The following PFKM variants were observed in gnomAD, a reference collection of about 807,000 sequenced individuals.
PFKM encodes phosphofructokinase, muscle, also known as ATP-dependent 6-phosphofructokinase, muscle type.
PFKM carries 58 observed loss-of-function variants against 95.5 expected under a neutral mutation model. The observed-to-expected ratio is 0.61, with a 90% CI of 0.49 to 0.76. The LOEUF (loss-of-function observed/expected upper bound fraction) is 0.76. Among genes scored for constraint, PFKM ranks in the 30% least tolerant of loss-of-function variants. PFKM has a pLI of 0.00. For synonymous variants in PFKM, 336 were observed against 357.2 expected, an observed-to-expected ratio of 0.94 and a Z score of 0.67; for missense variants, 678 against 1,005.4, an observed-to-expected ratio of 0.67 and a Z score of 4.40.
intron 3 of PFKM, among the ~76,000 whole-genome samples, chr12:48,108,645 A>G (rs540421974): frequency 6.6e-6 from 1 of 152,354 alleles, no homozygotes; most frequent in Admixed American, 6.5e-5. Context: ...ACCATTTAAT[A>G]ATAGATTTCT....
chr12:48,131,000 A>G (rs1208560008), intron 3 of PFKM, among the ~76,000 whole-genome samples: 1 of 152,130 alleles, frequency 6.6e-6, no homozygotes. Context: ...TATCAAGACC[A>G]TCTGTTATCA....
At position 48,122,551 on chromosome 12, in the gene PFKM, A is replaced by G. The variant is rs1592657442; in HGVS notation, c.-8-216A>G. 5.0e-6 allele frequency: 7 copies of G among 1,391,250 alleles called. No homozygotes were observed. In the East Asian group the frequency reaches 1.9e-4, roughly 38 times the overall value. 86.2% of individuals were successfully genotyped at this position (1,391,250 alleles called of 1,614,324 possible). ...ATCAGGGAGGAATTAGGACCTTAGT[A>G]GTCTTGGGCTTGATTACATGACATT... On this transcript the variant is annotated intron_variant, in intron 1 of 22. Transcript: ENST00000359794.
At chr12:48,133,125 C>A in intron 5 of PFKM, 68 bp downstream of exon 5, 2 of 1,457,440 alleles carry the variant, frequency 1.4e-6, no homozygotes, top group Non-Finnish European at 1.9e-6. Flanking sequence ...ACACACACAT[C>A]GCCCCCGCCC....
At chr12:48,132,026 C>G (rs1006211509) in intron 4 of PFKM, 7 of 455,758 alleles carry the variant, frequency 1.5e-5, no homozygotes, top group African/African-American at 1.4e-4. Context: ...CAGCTCAGTT[C>G]CCTAAAAATC....
intron 1 of PFKM, chr12:48,122,483 C>A: frequency 3.5e-6 from 3 of 867,352 alleles, no homozygotes; most frequent in Non-Finnish European, 4.6e-6. Flanking sequence ...TTTTCCCTGA[C>A]CTTAGTTTAT....
At chr12:48,126,285 T>A (rs1414317206) in intron 2 of PFKM, among the ~76,000 whole-genome samples, 1 of 152,196 alleles carries the variant, frequency 6.6e-6, no homozygotes, top group Non-Finnish European at 1.5e-5. Flanking sequence ...GCTCAAAGAA[T>A]TACCGGGGCT....
chr12:48,141,523 C>A, intron 15 of PFKM, 142 bp downstream of exon 15: 1 of 791,130 alleles, frequency 1.3e-6, no homozygotes, highest in Non-Finnish European at 2.2e-6. Context: ...GCCATGAGGG[C>A]AGACATGCCC....
intron 2 of PFKM, 24 bp downstream of exon 2, chr12:48,122,883 A>G (rs1462113618): frequency 6.2e-7 from 1 of 1,609,216 alleles, no homozygotes; most frequent in Admixed American, 1.7e-5. Context: ...GACAAAAAAC[A>G]TGGCTGGTGG....
rs532127820 is a variant in PFKM, at chr12:48,141,878, C to G, written c.1501-36C>G. On this transcript the variant is annotated intron_variant, in intron 16 of 22. Coordinates refer to ENST00000359794, the MANE Select transcript of PFKM (RefSeq NM_000289.6). ...TCTCTCCCTCCTACCTCCTCTCCCT[C>G]TCCCCAATCCTGCCCTTGTGCTCTC... is the stretch of plus-strand genomic sequence containing the variant. 256 of 1,613,942 alleles carry G rather than the reference C, an allele frequency of 1.6e-4. No individual in the cohort carries two copies. In the South Asian group the frequency reaches 2.6e-3, roughly 17 times the overall value.
At chr12:48,141,672 C>G in intron 15 of PFKM, 68 bp from the exon 16 acceptor site, 6 of 1,197,844 alleles carry the variant, frequency 5.0e-6, no homozygotes, top group Non-Finnish European at 2.5e-6. Context: ...TTTTCTCCCC[C>G]TCAATTTTCC....
At chr12:48,109,535 T>G (rs761571518) in intron 3 of PFKM, among the ~76,000 whole-genome samples, 18 of 152,184 alleles carry the variant, frequency 1.2e-4, no homozygotes, top group Non-Finnish European at 2.5e-4. Context: ...CCCTCATCTT[T>G]CCTGCTTTTT....
chr12:48,144,108 G>T lies in PFKM; in HGVS notation c.1943G>T (p.Gly648Val). ...ATTTTCAACCTGTACTCTGAGGAGG[G>T]GAAGGGCATCTTCGACAGCAGGAAG... ...DFIFNLYSEE[G>V]KGIFDSRKNV... The change falls in exon 20 of 23, where the codon GGG (glycine) becomes GTG (valine). Residue 648 changes from glycine to valine, a missense_variant. Coordinates refer to ENST00000359794, the MANE Select transcript of PFKM (RefSeq NM_000289.6). The T allele has an allele frequency of 6.2e-7, 1 of 1,613,956 alleles. No homozygotes were observed. Among genetic ancestry groups the T allele is most frequent in the Non-Finnish European group, 8.5e-7 (1 of 1,179,852 alleles).
chr12:48,140,098 C>G (rs1254548699), intron 13 of PFKM, among the ~76,000 whole-genome samples, 186 bp downstream of exon 13: 2 of 152,146 alleles, frequency 1.3e-5, no homozygotes, highest in Non-Finnish European at 2.9e-5. Context: ...ACCAGAGCCC[C>G]CTTCTTAGTG....
At chr12:48,116,644 A>C (rs563836748), upstream of PFKM, among the ~76,000 whole-genome samples, 1 of 151,978 alleles carries the variant, frequency 6.6e-6, no homozygotes, top group Non-Finnish European at 1.5e-5. Context: ...ACACCTGGCT[A>C]ATTTTTTGTA....
At chr12:48,117,600 A>G (rs964093317), upstream of PFKM, among the ~76,000 whole-genome samples, 8 of 152,220 alleles carry the variant, frequency 5.3e-5, no homozygotes, top group South Asian at 4.1e-4. Flanking sequence ...ACATCTTTTC[A>G]TGTTTATTTG....
At chr12:48,108,155 G>A (rs747784684) in exon 3 of PFKM, 6 of 1,598,840 alleles carry the variant, frequency 3.8e-6, no homozygotes, top group South Asian at 2.2e-5. Flanking sequence ...TACTATGGAT[G>A]ATCCAGACAC....
In PFKM at chr12:48,145,490, T is replaced by C. The variant is rs1950967288; in HGVS notation, c.2199-74T>C. ...AATCTAACCTCTTCTGTCTAACTTC[T>C]TCCTATAAACCTTTGGTAGAAGTTG... On this transcript the variant is annotated intron_variant, in intron 22 of 22. Coordinates refer to ENST00000359794, the MANE Select transcript of PFKM (RefSeq NM_000289.6). The surrounding 1 kb of genome is among the most constrained non-coding windows in gnomAD (Gnocchi z 4.3). 6.3e-7 allele frequency: 1 copy of C among 1,575,836 alleles called. No individual in the cohort carries two copies. Among genetic ancestry groups the C allele is most frequent in the Admixed American group, 1.7e-5 (1 of 59,446 alleles).
In PFKM at chr12:48,132,951, G is replaced by A. The variant is rs1251164159; in HGVS notation, c.321G>A (p.Lys107=). The part of the protein sequence containing the change: ...GRLRAAYNLV[K]RGITNLCVIG... ...TCCGAGCTGCCTACAACCTGGTGAA[G>A]CGTGGGATCACCAATCTCTGTGTCA... The change falls in exon 5 of 23, where the codon AAG becomes AAA. Residue 107 remains lysine (K), a synonymous_variant. Transcript: ENST00000359794. 2.5e-6 allele frequency: 4 copies of A among 1,613,970 alleles called. No individual in the cohort carries two copies. The highest frequency in any genetic ancestry group is 3.4e-6 in the Non-Finnish European group (4 of 1,179,936).
chr12:48,144,102 AG>A lies in PFKM; in HGVS notation c.1939del (p.Glu647ArgfsTer38). On this transcript the variant is annotated frameshift_variant, in exon 20 of 23. Transcript: ENST00000359794. LOFTEE classifies it high-confidence loss of function. ...GACTTCATTTTCAACCTGTACTCTG[AG>A]GAGGGGAAGGGCATCTTCGACAGCA... ...TTDFIFNLYS[E>X]EGKGIFDSRK... is the part of the protein sequence containing the mutation. 6.2e-7 allele frequency: 1 copy of A among 1,614,004 alleles called. No homozygotes were observed. The highest frequency in any genetic ancestry group is 8.5e-7 in the Non-Finnish European group (1 of 1,179,854).
Sources: gnomAD v4.1 joint callset for allele counts (sites outside exome capture counted in the v4.1 genomes callset) on GRCh38, gnomAD v4.1.1 for gene constraint, Gnocchi (gnomAD v3.1) non-coding constraint, MANE v1.5 for transcripts, NCBI Gene and HGNC (gene_info 2026-07-23, HGNC 2026-07-21) for gene names.